Variants in TTN observed in about 807,000 individuals in gnomAD.
The protein encoded by TTN is titin.
Under a neutral mutation model 3,223.0 loss-of-function variants are expected in TTN, and 1,525 were observed. The observed-to-expected ratio is 0.47, with a 90% CI of 0.45 to 0.49. The LOEUF (loss-of-function observed/expected upper bound fraction) is 0.49. Among genes scored for constraint, TTN ranks in the 20% least tolerant of loss-of-function variants. TTN has a pLI of 0.00. For missense variants in TTN, 40,786 were observed against 43,424.0 expected, an observed-to-expected ratio of 0.94 and a Z score of 5.40; for synonymous variants, 14,094 against 15,161.0, an observed-to-expected ratio of 0.93 and a Z score of 5.17.
chr2:178,701,070 C>G, intron 111 of TTN, 50 bp downstream of exon 111: 1 of 1,581,364 alleles, frequency 6.3e-7, no homozygotes, highest in East Asian at 2.2e-5. Context: ...TTTTTCGGGT[C>G]AGCAGAGTGA....
Position 178,611,023 on chromosome 2 carries a change from C to G in TTN, c.51106G>C (p.Ala17036Pro), listed in dbSNP as rs541142672. The change falls in exon 270 of 363, where the codon GCA becomes CCA. Residue 17036 changes from alanine to proline, a missense_variant. By Grantham distance (27) the Ala-to-Pro change is conservative. Coordinates refer to ENST00000589042, the MANE Select transcript of TTN (RefSeq NM_001267550.2). Reference sequence around the variant, plus strand: ...ACTTTGACATTGATTGAGGCTGTTGCTGAGCCGAGCTTATTCTCCAGTGTA... The same window carrying G: ...ACTTTGACATTGATTGAGGCTGTTGGTGAGCCGAGCTTATTCTCCAGTGTA... ...TITLENKLGSATASINVKVIG... is the reference protein window; with the variant it reads ...TITLENKLGSPTASINVKVIG... 2 of 1,612,448 alleles carry G rather than the reference C, an allele frequency of 1.2e-6. No individual in the cohort carries two copies. Among genetic ancestry groups the G allele is most frequent in the African/African-American group, 1.3e-5 (1 of 74,808 alleles).
At chr2:178,800,279 A>G (rs1372154324) in intron 4 of TTN, 116 bp downstream of exon 4, 1 of 1,384,294 alleles carries the variant, frequency 7.2e-7, no homozygotes, top group African/African-American at 1.4e-5. Flanking sequence ...CAGCTTTTAT[A>G]TCAGCTCACA....
chr2:178,579,151 T>C lies in TTN; in HGVS notation c.67879A>G (p.Asn22627Asp). The change falls in exon 320 of 363, where the codon AAT becomes GAT. Residue 22627 changes from asparagine (N) to aspartate (D), a missense_variant. By Grantham distance (23) the Asn-to-Asp change is conservative. Coordinates refer to ENST00000589042, the MANE Select transcript of TTN (RefSeq NM_001267550.2). ...GTTCCTTCCTTGGTGCCAGCAACAT[T>C]CTTAAGTGTGATTGTGTATTTTCCA... The part of the protein sequence containing the change: ...DAGKYTITLK[N>D]VAGTKEGTIS... 1 of 1,613,418 alleles carries C rather than the reference T, an allele frequency of 6.2e-7. No homozygotes were observed.
chr2:178,620,001 T>C lies in TTN; in HGVS notation c.46416A>G (p.Arg15472=), dbSNP rs1225127732. Residue 15472 remains arginine, a synonymous_variant, in exon 249 of 363, where the codon AGA becomes AGG. Transcript: ENST00000589042. ...CGVEDRKSRA[R]LFVEEIPVEI... ...CTTAATATGTACCTTCCACAAAAAG[T>C]CTAGCACGAGACTTCCTGTCTTCTA... The C allele has an allele frequency of 2.5e-6, 4 of 1,610,242 alleles. No individual in the cohort carries two copies. Among genetic ancestry groups the C allele is most frequent in the Non-Finnish European group, 3.4e-6 (4 of 1,178,402 alleles).
rs1470211348 is a variant in TTN at position 178,566,047 on chromosome 2, C to T, written c.80085G>A (p.Val26695=). Residue 26695 remains valine, a synonymous_variant, in exon 326 of 363, where the codon GTG becomes GTA. Transcript: ENST00000589042. ...ATACCAGGAAGGCAGAATCTTTTCT[C>T]ACTTCTTTGACTGCCAAATTCTGTG... The part of the protein sequence containing the change: ...GPPQNLAVKE[V]RKDSAFLVWE... 1 of 1,613,548 alleles carries T rather than the reference C, an allele frequency of 6.2e-7. No homozygotes were observed. Among genetic ancestry groups the T allele is most frequent in the Non-Finnish European group, 8.5e-7 (1 of 1,179,614 alleles).
Position 178,574,018 on chromosome 2 carries a change from C to G in TTN, c.72114G>C (p.Thr24038=), listed in dbSNP as rs768064912. 1.9e-6 allele frequency: 3 copies of G among 1,613,336 alleles called. No homozygotes were observed. The highest frequency in any genetic ancestry group is 2.7e-5 in the African/African-American group (2 of 75,002). ...KIKVDVKFKD[T]VILKAGEAFR... ...ATGCTTCACCTGCTTTTAATATAAC[C>G]GTGTCCTTAAATTTAACATCCACCT... Residue 24038 remains threonine (T), a synonymous_variant, in exon 326 of 363, where the codon ACG becomes ACC. Coordinates refer to ENST00000589042, the MANE Select transcript of TTN (RefSeq NM_001267550.2).
chr2:178,527,670 T>C lies in TTN; in HGVS notation c.107456A>G (p.Gln35819Arg). ...CTTGGAGGCAGACATTTGGACTGACTGAGACGAGAAGCTTCCTTGCAAGCT... is the reference window on the plus strand; with the variant it reads ...CTTGGAGGCAGACATTTGGACTGACCGAGACGAGAAGCTTCCTTGCAAGCT... ...DTSLQGSFSSQSVQMSASKQE... is the reference protein window; with the variant it reads ...DTSLQGSFSSRSVQMSASKQE... Residue 35819 changes from glutamine (Q) to arginine (R), a missense_variant, in exon 362 of 363, where the codon CAG becomes CGG. Gln to Arg is a conservative substitution (Grantham distance 43). Coordinates refer to ENST00000589042, the MANE Select transcript of TTN (RefSeq NM_001267550.2). 1 of 1,613,810 alleles carries C rather than the reference T, an allele frequency of 6.2e-7. No homozygotes were observed. The highest frequency in any genetic ancestry group is 8.5e-7 in the Non-Finnish European group (1 of 1,179,712).
At chr2:178,588,274 A>G in intron 304 of TTN, 55 bp from the exon 305 acceptor site, 2 of 1,436,882 alleles carry the variant, frequency 1.4e-6, no homozygotes, top group Non-Finnish European at 1.9e-6. Context: ...TCAATGTGTA[A>G]TTTTATATAG....
Position 178,567,701 on chromosome 2 carries a change from A to T in TTN, c.78431T>A (p.Ile26144Asn). 6.2e-7 allele frequency: 1 copy of T among 1,611,852 alleles called. No individual in the cohort carries two copies. The highest frequency in any genetic ancestry group is 1.1e-5 in the South Asian group (1 of 91,006). The change falls in exon 326 of 363, where the codon ATT (isoleucine) becomes AAT (asparagine). Residue 26144 changes from isoleucine (I) to asparagine (N), a missense_variant. Coordinates refer to ENST00000589042, the MANE Select transcript of TTN (RefSeq NM_001267550.2). ...RWMKASFTNV[I>N]ETQFTVSGLT... ...ACCTGACACAGTAAATTGAGTTTCAATGACATTTGTAAAGCTAGCTTTCAT... is the reference window on the plus strand; with the variant it reads ...ACCTGACACAGTAAATTGAGTTTCATTGACATTTGTAAAGCTAGCTTTCAT...
At position 178,639,770 on chromosome 2, in the gene TTN, G is replaced by A. The variant is rs1277088085; in HGVS notation, c.40805C>T (p.Pro13602Leu). 5 of 1,596,672 alleles carry A rather than the reference G, an allele frequency of 3.1e-6. No individual in the cohort carries two copies. Among genetic ancestry groups the A allele is most frequent in the Middle Eastern group, 1.7e-4 (1 of 5,938 alleles). The change falls in exon 223 of 363, where the codon CCA becomes CTA. Residue 13602 changes from proline (P) to leucine (L), a missense_variant. Physicochemically the swap from Pro to Leu is moderately conservative, Grantham distance 98 (BLOSUM62 -3). Coordinates refer to ENST00000589042, the MANE Select transcript of TTN (RefSeq NM_001267550.2). ...GGTTGGTTCAGGTTCCACAGGAGGT[G>A]GTTTGATTGTTTTCACTTCTGTAGA... is the stretch of plus-strand genomic sequence containing the variant. ...KPEAEVKTIK[P>L]PPVEPEPTPI...
chr2:178,727,430 TTAGA>T (rs764389622), intron 68 of TTN, 59 bp from the exon 69 acceptor site: 30 of 1,515,124 alleles, frequency 2.0e-5, no homozygotes, highest in Admixed American at 6.7e-5. Context: ...AATAGTTAAA[TTAGA>T]TAGTATACAG....
At position 178,665,732 on chromosome 2, in the gene TTN, C is replaced by G. The variant is rs1365627640; in HGVS notation, c.35935G>C (p.Glu11979Gln). 7.4e-7 allele frequency: 1 copy of G among 1,342,500 alleles called. No individual in the cohort carries two copies. Among genetic ancestry groups the G allele is most frequent in the Non-Finnish European group, 9.5e-7 (1 of 1,053,542 alleles). 83.2% of individuals were successfully genotyped at this position (1,342,500 alleles called of 1,614,324 possible). ...CCTTTAGTGGGAGGTATTTCAATTTCAAGGGGAGCAGCCATGGGTGTTTCC... is the reference window on the plus strand; with the variant it reads ...CCTTTAGTGGGAGGTATTTCAATTTGAAGGGGAGCAGCCATGGGTGTTTCC... ...VKETPMAAPLEIEIPPTKAPE... is the reference protein window; with the variant it reads ...VKETPMAAPLQIEIPPTKAPE... Residue 11979 changes from glutamate (E) to glutamine (Q), a missense_variant, in exon 164 of 363, where the codon GAA (glutamate) becomes CAA (glutamine). Coordinates refer to ENST00000589042, the MANE Select transcript of TTN (RefSeq NM_001267550.2).
At position 178,584,750 on chromosome 2, in the gene TTN, T is replaced by C; in HGVS notation, c.64891A>G (p.Ile21631Val). The C allele has an allele frequency of 1.9e-6, 3 of 1,613,482 alleles. No individual in the cohort carries two copies. Among genetic ancestry groups the C allele is most frequent in the Middle Eastern group, 1.7e-4 (1 of 6,056 alleles). ...CGGTTTTCAGCACGGACCCGGAAGATGTACTCCTGGCCTGGGATCAGCTTT... is the reference window on the plus strand; with the variant it reads ...CGGTTTTCAGCACGGACCCGGAAGACGTACTCCTGGCCTGGGATCAGCTTT... ...VGKLIPGQEY[I>V]FRVRAENRFG... is the part of the protein sequence containing the mutation. Residue 21631 changes from isoleucine to valine, a missense_variant, in exon 310 of 363, where the codon ATC (isoleucine) becomes GTC (valine). Coordinates refer to ENST00000589042, the MANE Select transcript of TTN (RefSeq NM_001267550.2).
At chr2:178,667,810 T>C in intron 159 of TTN, 89 bp from the exon 160 acceptor site, 1 of 933,000 alleles carries the variant, frequency 1.1e-6, no homozygotes, top group South Asian at 1.8e-5. Context: ...AATACCACAT[T>C]CATCACCAAA....
chr2:178,601,232 GA>G, intron 287 of TTN, 32 bp downstream of exon 287: 1 of 1,518,866 alleles, frequency 6.6e-7, no homozygotes, highest in Non-Finnish European at 8.8e-7. Context: ...TCAATTTTGA[GA>G]AGATATTTTA....
chr2:178,684,113 G>A (rs1236659093), intron 132 of TTN, 31 bp from the exon 133 acceptor site: 4 of 1,606,222 alleles, frequency 2.5e-6, no homozygotes, highest in African/African-American at 1.3e-5. Context: ...TTAAAGTATT[G>A]TTTCCCTCTT....
intron 144 of TTN, 66 bp from the exon 145 acceptor site, chr2:178,678,274 A>G (rs2068549137): frequency 6.5e-7 from 1 of 1,541,604 alleles, no homozygotes; most frequent in Non-Finnish European, 8.8e-7. Flanking sequence ...ATAGATATGA[A>G]AAAGAATCAC....
chr2:178,729,456 T>G lies in TTN; in HGVS notation c.18700A>C (p.Lys6234Gln). The G allele has an allele frequency of 6.2e-7, 1 of 1,613,652 alleles. No individual in the cohort carries two copies. Among genetic ancestry groups the G allele is most frequent in the East Asian group, 2.2e-5 (1 of 44,852 alleles). The part of the protein sequence containing the change: ...GTPPFEVTWL[K>Q]NNREIRSSKK... ...CTGCTTCGAATTTCCCTGTTATTCT[T>G]CAGCCAAGTGACTTCAAACGGAGGT... The change falls in exon 64 of 363, where the codon AAG (lysine) becomes CAG (glutamine). Residue 6234 changes from lysine (K) to glutamine (Q), a missense_variant. Coordinates refer to ENST00000589042, the MANE Select transcript of TTN (RefSeq NM_001267550.2).
In TTN at chr2:178,569,701, G is replaced by A. The variant is rs755746437; in HGVS notation, c.76431C>T (p.Tyr25477=). 4.3e-6 allele frequency: 7 copies of A among 1,613,024 alleles called. No individual in the cohort carries two copies. Among genetic ancestry groups the A allele is most frequent in the Admixed American group, 3.3e-5 (2 of 59,928 alleles). ...TATTAATAGCACAGATACGGAAGTT[G>A]TATTCATGCTTTTCCAACAGCTTCT... The part of the protein sequence containing the change: ...EVEKLLEKHE[Y]NFRICAINKA... The change falls in exon 326 of 363, where the codon TAC becomes TAT. Residue 25477 remains tyrosine (Y), a synonymous_variant. Transcript: ENST00000589042.
Sources: allele counts gnomAD v4.1 joint callset, GRCh38; gene constraint gnomAD v4.1.1; transcripts MANE v1.5; gene names NCBI Gene and HGNC (gene_info 2026-07-23, HGNC 2026-07-21).